Variants in MAPK9 observed in about 807,000 individuals in gnomAD.
MAPK9 encodes Jun kinase.
In MAPK9, 30 loss-of-function variants were observed where a neutral mutation model predicts 57.1. That is an observed-to-expected ratio of 0.53 (90% CI 0.39 to 0.71). The LOEUF (loss-of-function observed/expected upper bound fraction) is 0.71. Ranked by LOEUF, MAPK9 falls within the 30% of genes least tolerant of loss-of-function variation. The pLI is 0.00. For synonymous variants in MAPK9, 155 were observed against 177.0 expected, an observed-to-expected ratio of 0.88 and a Z score of 0.99; for missense variants, 362 against 521.0, an observed-to-expected ratio of 0.69 and a Z score of 2.97.
intron 5 of MAPK9, among the ~76,000 whole-genome samples, chr5:180,255,071 T>C (rs1759126311): frequency 6.6e-6 from 1 of 152,098 alleles, no homozygotes; most frequent in Non-Finnish European, 1.5e-5. Context: ...TCCGGAGCCA[T>C]GCTAGATGCC....
chr5:180,267,309 C>T (rs1043999081), intron 3 of MAPK9, among the ~76,000 whole-genome samples: 1 of 151,832 alleles, frequency 6.6e-6, no homozygotes, highest in Non-Finnish European at 1.5e-5. Context: ...CGCCTGTAAT[C>T]CCAGCACTTT....
At chr5:180,272,417 T>C (rs755675797) in intron 2 of MAPK9, among the ~76,000 whole-genome samples, 7 of 152,212 alleles carry the variant, frequency 4.6e-5, no homozygotes, top group Non-Finnish European at 8.8e-5. Context: ...ACTGATTCCT[T>C]TGCTTCTTTT....
In MAPK9 at chr5:180,235,847, G is replaced by C. The variant is rs937219420; in HGVS notation, c.*537C>G. 1 of 152,504 alleles carries C rather than the reference G, an allele frequency of 6.6e-6. No individual in the cohort carries two copies. Among genetic ancestry groups the C allele is most frequent in the African/African-American group, 2.4e-5 (1 of 41,418 alleles). 9.4% of individuals were successfully genotyped at this position (152,504 alleles called of 1,614,324 possible). On this transcript the variant is annotated 3_prime_UTR_variant, in exon 12 of 12. Coordinates refer to ENST00000452135, the MANE Select transcript of MAPK9 (RefSeq NM_002752.5). The stretch of plus-strand genomic sequence containing the variant: ...TATGTCTTCTGAAATACAAAAGATA[G>C]AATAAATCATAGCATAAAAGGGAAT...
Position 180,236,511 on chromosome 5 carries a change from C to T in MAPK9, c.1148G>A (p.Ser383Asn), listed in dbSNP as rs1757185817. The change falls in exon 12 of 12, where the codon AGC becomes AAC. Residue 383 changes from serine to asparagine, a missense_variant. Physicochemically the swap from Ser to Asn is conservative, Grantham distance 46 (BLOSUM62 1). Coordinates refer to ENST00000452135, the MANE Select transcript of MAPK9 (RefSeq NM_002752.5). ...TGAAGACTGAGAAGGAGTGGCGTTG[C>T]TACTTACTGCTGCATCTGTGCTAAG... Reference protein sequence around the residue: ...KDQPSDAAVSSNATPSQSSSI... With the variant: ...KDQPSDAAVSNNATPSQSSSI... The T allele has an allele frequency of 6.2e-7, 1 of 1,613,828 alleles. No homozygotes were observed. The highest frequency in any genetic ancestry group is 8.5e-7 in the Non-Finnish European group (1 of 1,179,798).
At chr5:180,276,090 A>G (rs1761788651) in intron 2 of MAPK9, among the ~76,000 whole-genome samples, 1 of 152,198 alleles carries the variant, frequency 6.6e-6, no homozygotes, top group Admixed American at 6.5e-5. Context: ...AAAGAGCTGG[A>G]CTCAGAACTC....
In MAPK9 at chr5:180,235,140, G is replaced by C. The variant is rs1554118968; in HGVS notation, c.*1244C>G. ...ATTTCAGGTGAGCAGTTTTAAATCAGAAAATAGTCAATAGTTAATCATGAC... is the reference window on the plus strand; with the variant it reads ...ATTTCAGGTGAGCAGTTTTAAATCACAAAATAGTCAATAGTTAATCATGAC... On this transcript the variant is annotated 3_prime_UTR_variant, in exon 12 of 12. Coordinates refer to ENST00000452135, the MANE Select transcript of MAPK9 (RefSeq NM_002752.5). 1 of 152,212 alleles carries C rather than the reference G, an allele frequency of 6.6e-6. No individual in the cohort carries two copies. Among genetic ancestry groups the C allele is most frequent in the Non-Finnish European group, 1.5e-5 (1 of 68,038 alleles). 9.4% of individuals were successfully genotyped at this position (152,212 alleles called of 1,614,324 possible).
intron 5 of MAPK9, among the ~76,000 whole-genome samples, chr5:180,258,680 T>C (rs1351288366): frequency 1.3e-5 from 2 of 151,864 alleles, no homozygotes; most frequent in African/African-American, 4.8e-5. Flanking sequence ...TTCAGTCGGT[T>C]CAGTTACCTC....
chr5:180,244,414 A>G (rs1332192063), intron 7 of MAPK9, among the ~76,000 whole-genome samples: 1 of 152,196 alleles, frequency 6.6e-6, no homozygotes. Flanking sequence ...ATGTTAACAC[A>G]GTAGCTGCTT....
intron 2 of MAPK9, 125 bp from the exon 3 acceptor site, chr5:180,269,534 C>A: frequency 1.1e-6 from 1 of 908,362 alleles, no homozygotes; most frequent in Non-Finnish European, 1.7e-6. Context: ...TTATTTCATT[C>A]AAGGTACTTG....
intron 5 of MAPK9, chr5:180,257,559 T>A (rs1759421332): frequency 6.6e-6 from 1 of 152,274 alleles, no homozygotes. Context: ...ACTCAGTATT[T>A]TAATTGTTTT....
At chr5:180,237,516 G>C (rs753457185) in intron 11 of MAPK9, 2 of 152,140 alleles carry the variant, frequency 1.3e-5, no homozygotes, top group Admixed American at 6.5e-5. Flanking sequence ...AGAAAAATGG[G>C]AAAATGATAT....
intron 5 of MAPK9, among the ~76,000 whole-genome samples, chr5:180,257,147 C>T (rs993949481): frequency 2.6e-5 from 4 of 152,180 alleles, no homozygotes; most frequent in African/African-American, 9.7e-5. Context: ...TGTCAGCTAG[C>T]CCTGGGAGGA....
chr5:180,242,511 G>C, intron 8 of MAPK9, 62 bp downstream of exon 8: 1 of 1,451,852 alleles, frequency 6.9e-7, no homozygotes, highest in Admixed American at 1.9e-5. Flanking sequence ...ATACAAACAT[G>C]AAAGAGTGAA....
intron 10 of MAPK9, among the ~76,000 whole-genome samples, chr5:180,239,131 A>T (rs923801990): frequency 2.6e-5 from 4 of 152,210 alleles, no homozygotes; most frequent in Admixed American, 2.0e-4. Flanking sequence ...ACTGGCCAGA[A>T]ATGAATCCAC....
At chr5:180,273,413 G>A (rs1308359838) in intron 2 of MAPK9, among the ~76,000 whole-genome samples, 1 of 151,692 alleles carries the variant, frequency 6.6e-6, no homozygotes. Context: ...AGTGGAGATG[G>A]GGGGAGTCTC....
At chr5:180,290,671 A>G (rs1195928605) in intron 1 of MAPK9, among the ~76,000 whole-genome samples, 1 of 152,256 alleles carries the variant, frequency 6.6e-6, no homozygotes, top group Non-Finnish European at 1.5e-5. Context: ...AAGGACACCA[A>G]AATGTTTCAC....
chr5:180,281,531 A>C (rs184356628), intron 1 of MAPK9, among the ~76,000 whole-genome samples: 1 of 152,364 alleles, frequency 6.6e-6, no homozygotes, highest in East Asian at 1.9e-4. Flanking sequence ...TACATAGCCA[A>C]CAATAAAATC....
chr5:180,268,752 G>A (rs886593719), intron 3 of MAPK9, among the ~76,000 whole-genome samples: 15 of 151,720 alleles, frequency 9.9e-5, no homozygotes, highest in South Asian at 4.2e-4. Flanking sequence ...GCATGAACCC[G>A]GGAGGTGGAG....
chr5:180,234,123 C>T lies in MAPK9; in HGVS notation c.*2261G>A, dbSNP rs1188339106. ...TAAATTCCAGGATAATAGTAAATTA[C>T]CTGGTTTATAAAAATACATGTCCAA... On this transcript the variant is annotated 3_prime_UTR_variant, in exon 12 of 12. Coordinates refer to ENST00000452135, the MANE Select transcript of MAPK9 (RefSeq NM_002752.5). 6.6e-6 allele frequency: 1 copy of T among 151,902 alleles called. No homozygotes were observed. The highest frequency in any genetic ancestry group is 1.5e-5 in the Non-Finnish European group (1 of 67,996). The allele number at this position is 151,902 out of a possible 1,614,324, so 9.4% of individuals were successfully genotyped here.
Sources: allele counts gnomAD v4.1 joint callset (sites outside exome capture counted in the v4.1 genomes callset), GRCh38; gene constraint gnomAD v4.1.1; transcripts MANE v1.5; gene names NCBI Gene and HGNC (gene_info 2026-07-23, HGNC 2026-07-21).